Variants in GALK2 observed in about 807,000 individuals in gnomAD.
The protein encoded by GALK2 is N-acetylgalactosamine kinase.
A neutral mutation model predicts 52.4 loss-of-function variants in GALK2; 36 were observed. The ratio of observed to expected loss-of-function variants is 0.69; its 90% CI spans 0.53 to 0.91. The LOEUF is 0.91. GALK2 is among the 40% of genes least tolerant of loss of function. The pLI is 0.00. For missense variants in GALK2, 579 were observed against 559.1 expected, an observed-to-expected ratio of 1.04 and a Z score of -0.36; for synonymous variants, 176 against 199.1, an observed-to-expected ratio of 0.88 and a Z score of 0.98.
At chr15:49,179,652 C>CTTTTTTTTTTT in intron 1 of GALK2, among the ~76,000 whole-genome samples, 1 of 138,178 alleles carries the variant, frequency 7.2e-6, no homozygotes, top group Non-Finnish European at 1.6e-5. Flanking sequence ...TTGTTTCTTT[C>CTTTTTTTTTTT]TTTTTTTTTT....
downstream of GALK2, among the ~76,000 whole-genome samples, chr15:49,336,744 C>CAGGTTTGATACATGGGT (rs2039784073): frequency 1.3e-5 from 2 of 152,048 alleles, no homozygotes; most frequent in Non-Finnish European, 2.9e-5. Context: ...GTTACATGGG[C>CAGGTTTGATACATGGGT]AGGTTTGATA....
chr15:49,266,551 T>C (rs1213219382), intron 5 of GALK2, among the ~76,000 whole-genome samples: 2 of 152,196 alleles, frequency 1.3e-5, no homozygotes, highest in Non-Finnish European at 2.9e-5. Flanking sequence ...CCTCTACTTC[T>C]CTGGTCTCCA....
chr15:49,205,461 T>G (rs1056052912), intron 2 of GALK2, among the ~76,000 whole-genome samples: 6 of 152,248 alleles, frequency 3.9e-5, no homozygotes, highest in African/African-American at 1.4e-4. Context: ...GGTTTTGATT[T>G]GCATTTCCCT....
Position 49,329,825 on chromosome 15 carries a change from G to C in GALK2, c.*1666G>C, listed in dbSNP as rs62012164. The stretch of plus-strand genomic sequence containing the variant: ...TCAGTGTAAAAAAAAAAAAAAAAAG[G>C]CACCTGTCATTGTTTTGCTGTTCCA... On this transcript the variant is annotated 3_prime_UTR_variant, in exon 10 of 10. Coordinates refer to ENST00000560031, the MANE Select transcript of GALK2 (RefSeq NM_002044.4). 3 of 487,392 alleles carry C rather than the reference G, an allele frequency of 6.2e-6. No homozygotes were observed. Among genetic ancestry groups the C allele is most frequent in the Non-Finnish European group, 7.9e-6 (3 of 379,490 alleles). 30.2% of individuals were successfully genotyped at this position (487,392 alleles called of 1,614,324 possible).
chr15:49,194,600 T>C (rs2087050199), intron 1 of GALK2, among the ~76,000 whole-genome samples: 1 of 144,694 alleles, frequency 6.9e-6, no homozygotes, highest in Non-Finnish European at 1.5e-5. Flanking sequence ...TTTTCTTTTC[T>C]TTTTTTTTTT....
At chr15:49,217,132 T>A in intron 2 of GALK2, 58 bp from the exon 3 acceptor site, 1 of 1,494,170 alleles carries the variant, frequency 6.7e-7, no homozygotes, top group Non-Finnish European at 9.2e-7. Flanking sequence ...TAAACTTTCT[T>A]GAGGTGCTTT....
intron 5 of GALK2, among the ~76,000 whole-genome samples, chr15:49,260,842 G>C (rs1220713770): frequency 6.6e-6 from 1 of 152,030 alleles, no homozygotes; most frequent in Non-Finnish European, 1.5e-5. Context: ...CCCATTGCTT[G>C]TTTTTCTCAG....
chr15:49,187,025 A>G (rs1427719808), intron 1 of GALK2, among the ~76,000 whole-genome samples: 1 of 152,194 alleles, frequency 6.6e-6, no homozygotes, highest in Non-Finnish European at 1.5e-5. Context: ...TGAAGACTCA[A>G]GTATTATGGT....
intron 3 of GALK2, among the ~76,000 whole-genome samples, chr15:49,227,966 A>C (rs2090232115): frequency 6.6e-6 from 1 of 152,026 alleles, no homozygotes; most frequent in Non-Finnish European, 1.5e-5. Context: ...GTTCTCCTTC[A>C]TTTATGAAGG....
chr15:49,293,303 G>A (rs1329229941), intron 8 of GALK2, among the ~76,000 whole-genome samples: 7 of 152,222 alleles, frequency 4.6e-5, no homozygotes, highest in Admixed American at 2.6e-4. Flanking sequence ...TGGAAGTACT[G>A]AAAACTTTGG....
intron 3 of GALK2, among the ~76,000 whole-genome samples, chr15:49,357,949 A>G (rs2043463083): frequency 1.3e-5 from 2 of 152,122 alleles, no homozygotes; most frequent in African/African-American, 4.8e-5. Context: ...AAATCAATAA[A>G]TGTAATCCAG....
chr15:49,336,041 CTAGCA>C (rs2039653336), downstream of GALK2, among the ~76,000 whole-genome samples: 1 of 152,100 alleles, frequency 6.6e-6, no homozygotes, highest in Non-Finnish European at 1.5e-5. Context: ...CTCCTGGGCT[CTAGCA>C]ATCCTCCTGC....
rs939647522 is a variant in GALK2 at position 49,365,290 on chromosome 15, G to A, written c.427-2201G>A. 25 of 1,524,074 alleles carry A rather than the reference G, an allele frequency of 1.6e-5. No individual in the cohort carries two copies. In the South Asian group the frequency reaches 2.4e-4, roughly 14 times the overall value. 94.4% of individuals were successfully genotyped at this position (1,524,074 alleles called of 1,614,324 possible). A position where few individuals can be genotyped will look rare whatever the true frequency, so the allele number is the denominator to read the frequency against. On this transcript the variant is annotated intron_variant, in intron 3 of 3. Coordinates refer to the GALK2 transcript ENST00000558399. ...TAAGTGTGCAAGTTACTAAATAGAG[G>A]AGAGCAGGTTGCCCCTTTTTCATCA...
At chr15:49,167,507 G>A (rs1218994038), upstream of GALK2, among the ~76,000 whole-genome samples, 7 of 152,000 alleles carry the variant, frequency 4.6e-5, no homozygotes, top group African/African-American at 1.5e-4. Context: ...ACAGGCGCCC[G>A]CCACCACACC....
chr15:49,164,213 G>T (rs922066230), intron 1 of GALK2, among the ~76,000 whole-genome samples: 2 of 152,094 alleles, frequency 1.3e-5, no homozygotes, highest in Admixed American at 1.3e-4. Context: ...GTATGATTAA[G>T]CATTGAAGGG....
At chr15:49,271,503 C>T (rs532846881) in intron 5 of GALK2, among the ~76,000 whole-genome samples, 1 of 152,286 alleles carries the variant, frequency 6.6e-6, no homozygotes, top group South Asian at 2.1e-4. Context: ...TGAAACCTTT[C>T]CCTGAGAGAT....
chr15:49,325,394 T>C (rs2037305950), intron 9 of GALK2, among the ~76,000 whole-genome samples: 1 of 152,254 alleles, frequency 6.6e-6, no homozygotes, highest in Admixed American at 6.5e-5. Flanking sequence ...GCTCAGGAGA[T>C]ATATTTTTAA....
At chr15:49,241,779 A>G (rs1259731597) in intron 5 of GALK2, among the ~76,000 whole-genome samples, 3 of 152,208 alleles carry the variant, frequency 2.0e-5, no homozygotes, top group African/African-American at 7.2e-5. Context: ...TGGTGTTTTG[A>G]TAATATACCT....
chr15:49,200,618 T>C (rs1193453751), intron 1 of GALK2, among the ~76,000 whole-genome samples: 1 of 152,096 alleles, frequency 6.6e-6, no homozygotes, highest in Admixed American at 6.5e-5. Flanking sequence ...TACCAGAAGG[T>C]AGAAAGAGGC....
Sources: allele counts gnomAD v4.1 joint callset (sites outside exome capture counted in the v4.1 genomes callset), GRCh38; gene constraint gnomAD v4.1.1; transcripts MANE v1.5; gene names NCBI Gene and HGNC (gene_info 2026-07-23, HGNC 2026-07-21).